Variants in SDR42E1 observed in about 807,000 individuals in gnomAD.
The protein encoded by SDR42E1 is short chain dehydrogenase/reductase family 42E, member 1.
A neutral mutation model predicts 2.6 loss-of-function variants in SDR42E1; 5 were observed. That is an observed-to-expected ratio of 1.94 (90% CI 1.01 to 4.08). The LOEUF is 4.08. Among genes scored for constraint, SDR42E1 ranks in the 30% most tolerant of loss-of-function variants. The pLI is 0.00. For missense variants in SDR42E1, 596 were observed against 478.6 expected (o/e 1.25, Z -2.29); for synonymous variants, 231 against 188.3 (o/e 1.23, Z -1.86).
Position 81,995,021 on chromosome 16 carries a change from A to C in SDR42E1, c.*4090T>G, listed in dbSNP as rs958170916. 6.6e-6 allele frequency: 1 copy of C among 152,314 alleles called. No individual in the cohort carries two copies. Among genetic ancestry groups the C allele is most frequent in the South Asian group, 2.1e-4 (1 of 4,828 alleles). 9.4% of individuals were successfully genotyped at this position (152,314 alleles called of 1,614,324 possible). A position where few individuals can be genotyped will look rare whatever the true frequency, so the allele number is the denominator to read the frequency against. On this transcript the variant is annotated 3_prime_UTR_variant, in exon 3 of 3. Coordinates refer to ENST00000328945, the MANE Select transcript of SDR42E1 (RefSeq NM_145168.3). ...TGGCACTGTCTGCCCCTGTCACCAG[A>C]AACGGCACTGAGGACATCCAAGAAG...
At chr16:82,000,655 G>C (rs1207478498) in intron 2 of SDR42E1, 136 bp downstream of exon 2, 2 of 665,736 alleles carry the variant, frequency 3.0e-6, no homozygotes, top group Admixed American at 2.8e-5. Context: ...TGCAATGTCT[G>C]AGCAGTGGGC....
chr16:82,009,952 T>G (rs1913072324), intron 1 of SDR42E1, among the ~76,000 whole-genome samples: 1 of 152,238 alleles, frequency 6.6e-6, no homozygotes. Context: ...GTTCTCTTGA[T>G]AGTGAATAAG....
chr16:82,005,843 T>G (rs2143861794), intron 1 of SDR42E1, among the ~76,000 whole-genome samples: 1 of 152,146 alleles, frequency 6.6e-6, no homozygotes, highest in East Asian at 1.9e-4. Flanking sequence ...AAAAAAAACC[T>G]TAATTACAAA....
chr16:82,004,159 G>C (rs1912857817), intron 1 of SDR42E1, among the ~76,000 whole-genome samples: 1 of 152,130 alleles, frequency 6.6e-6, no homozygotes, highest in Admixed American at 6.5e-5. Flanking sequence ...TAACGCTACT[G>C]TTATAATGTT....
At chr16:82,010,761 C>A (rs376207466) in intron 1 of SDR42E1, among the ~76,000 whole-genome samples, 79 of 152,284 alleles carry the variant, frequency 5.2e-4, no homozygotes, top group African/African-American at 1.8e-3. Flanking sequence ...TGGGCTCTGA[C>A]CACATTAAGA....
chr16:82,009,975 T>G (rs932062612), intron 1 of SDR42E1, among the ~76,000 whole-genome samples: 2 of 152,202 alleles, frequency 1.3e-5, no homozygotes, highest in African/African-American at 4.8e-5. Flanking sequence ...TCAAAAGATC[T>G]GATGGTTTTA....
intron 1 of SDR42E1, among the ~76,000 whole-genome samples, chr16:82,008,225 C>A (rs535051223): frequency 6.6e-6 from 1 of 152,318 alleles, no homozygotes; most frequent in Admixed American, 6.5e-5. Context: ...AACTACTTTC[C>A]ATTATAAATT....
rs1218342346 is a variant in SDR42E1, at chr16:81,997,572, G to A, written c.*1539C>T. The A allele has an allele frequency of 2.0e-5, 3 of 152,148 alleles. No homozygotes were observed. Among genetic ancestry groups the A allele is most frequent in the Non-Finnish European group, 2.9e-5 (2 of 68,036 alleles). 9.4% of individuals were successfully genotyped at this position (152,148 alleles called of 1,614,324 possible). A position where few individuals can be genotyped will look rare whatever the true frequency, so the allele number is the denominator to read the frequency against. On this transcript the variant is annotated 3_prime_UTR_variant, in exon 3 of 3. Coordinates refer to ENST00000328945, the MANE Select transcript of SDR42E1 (RefSeq NM_145168.3). ...CAGGTGCTCATATGCGTTAACCCCA[G>A]GCTAATGCAAAAGCTTCTTTATGAC...
Position 81,999,231 on chromosome 16 carries a change from A to T in SDR42E1, c.1062T>A (p.Gly354=). 6.2e-7 allele frequency: 1 copy of T among 1,614,204 alleles called. No individual in the cohort carries two copies. The highest frequency in any genetic ancestry group is 8.5e-7 in the Non-Finnish European group (1 of 1,180,032). ...CACGACTTCCAGAACTTCTGCCATGACCATGGGCTTTAAACCATTCCACTG... is the reference window on the plus strand; with the variant it reads ...CACGACTTCCAGAACTTCTGCCATGTCCATGGGCTTTAAACCATTCCACTG... ...QEAVEWFKAH[G]HGRSSGSRDS... The change falls in exon 3 of 3, where the codon GGT becomes GGA. Residue 354 remains glycine, a synonymous_variant. Transcript: ENST00000328945.
Position 81,994,594 on chromosome 16 carries a change from A to G in SDR42E1, c.*4517T>C, listed in dbSNP as rs146897496. The G allele has an allele frequency of 7.7e-4, 118 of 152,306 alleles. 1 individual carries two copies. The highest frequency in any genetic ancestry group is 2.2e-3 in the African/African-American group (93 of 41,582). The allele number at this position is 152,306 out of a possible 1,614,324, so 9.4% of individuals were successfully genotyped here. On this transcript the variant is annotated 3_prime_UTR_variant, in exon 3 of 3. Transcript: ENST00000328945. ...TGAGATATGCTGGTGAACAGCACAC[A>G]ACCTGGTGTGCCATCTCTAAGCAAG...
At chr16:82,010,009 G>C (rs1464107348) in intron 1 of SDR42E1, among the ~76,000 whole-genome samples, 2 of 152,194 alleles carry the variant, frequency 1.3e-5, no homozygotes, top group South Asian at 2.1e-4. Flanking sequence ...CCCTACACAA[G>C]CTCTCTTGCC....
In SDR42E1 at chr16:81,999,248, A is replaced by G; in HGVS notation, c.1045T>C (p.Trp349Arg). The G allele has an allele frequency of 6.2e-7, 1 of 1,614,152 alleles. No individual in the cohort carries two copies. The highest frequency in any genetic ancestry group is 8.5e-7 in the Non-Finnish European group (1 of 1,180,012). The stretch of plus-strand genomic sequence containing the variant: ...CTGCCATGACCATGGGCTTTAAACC[A>G]TTCCACTGCTTCCTGGAGGTCAAAT... ...QPFDLQEAVE[W>R]FKAHGHGRSS... Residue 349 changes from tryptophan (W) to arginine (R), a missense_variant, in exon 3 of 3, where the codon TGG (tryptophan) becomes CGG (arginine). Physicochemically the swap from Trp to Arg is moderately radical, Grantham distance 101. Transcript: ENST00000328945.
chr16:81,999,213 TC>T lies in SDR42E1; in HGVS notation c.1079del (p.Gly360GlufsTer18), dbSNP rs1249804433. The T allele has an allele frequency of 6.2e-7, 1 of 1,614,082 alleles. No homozygotes were observed. The highest frequency in any genetic ancestry group is 1.3e-5 in the African/African-American group (1 of 74,930). On this transcript the variant is annotated frameshift_variant, in exon 3 of 3. Coordinates refer to ENST00000328945, the MANE Select transcript of SDR42E1 (RefSeq NM_145168.3). LOFTEE classifies it low-confidence loss of function (END_TRUNC). Reference sequence around the variant, plus strand: ...AAACAAAACACTCCGAGTCACGACTTCCAGAACTTCTGCCATGACCATGGGC... The same window carrying T: ...AAACAAAACACTCCGAGTCACGACTTCAGAACTTCTGCCATGACCATGGGC... ...FKAHGHGRSS[G>X]SRDSECFVWD...
intron 1 of SDR42E1, among the ~76,000 whole-genome samples, chr16:82,005,867 T>A (rs1308591376): frequency 2.0e-5 from 3 of 152,074 alleles, no homozygotes; most frequent in Non-Finnish European, 2.9e-5. Flanking sequence ...TAAAAAAAAA[T>A]TAAATTTAAA....
Position 81,991,478 on chromosome 16 carries a change from A to T in SDR42E1, c.*7633T>A, listed in dbSNP as rs1042989658. On this transcript the variant is annotated 3_prime_UTR_variant, in exon 3 of 3. Transcript: ENST00000328945. ...ATACCTGTAATCCCAGCACTTTGGG[A>T]GGCCGAGGCAAGAGGATTGCTTGGG... 8.5e-5 allele frequency: 13 copies of T among 152,286 alleles called. No homozygotes were observed. Among genetic ancestry groups the T allele is most frequent in the African/African-American group, 2.6e-4 (11 of 41,532 alleles). The allele number at this position is 152,286 out of a possible 1,614,324, so 9.4% of individuals were successfully genotyped here.
intron 2 of SDR42E1, 37 bp from the exon 3 acceptor site, chr16:82,000,261 T>C (rs1912712061): frequency 6.2e-7 from 1 of 1,600,186 alleles, no homozygotes; most frequent in East Asian, 2.2e-5. Flanking sequence ...ATCAAGTCAC[T>C]CTTAAGCTGT....
In SDR42E1 at chr16:81,994,713, G is replaced by T. The variant is rs973778734; in HGVS notation, c.*4398C>A. The T allele has an allele frequency of 1.3e-5, 2 of 152,172 alleles. No homozygotes were observed. Among genetic ancestry groups the T allele is most frequent in the Admixed American group, 1.3e-4 (2 of 15,282 alleles). The allele number at this position is 152,172 out of a possible 1,614,324, so 9.4% of individuals were successfully genotyped here. A position where few individuals can be genotyped will look rare whatever the true frequency, so the allele number is the denominator to read the frequency against. On this transcript the variant is annotated 3_prime_UTR_variant, in exon 3 of 3. Transcript: ENST00000328945. ...TGGCCCTATAATGATGTCTAATTGG[G>T]TCAGAGCTGGGGCGTGGCATTCTGC...
In SDR42E1 at chr16:81,994,936, A is replaced by G. The variant is rs1309513768; in HGVS notation, c.*4175T>C. On this transcript the variant is annotated 3_prime_UTR_variant, in exon 3 of 3. Transcript: ENST00000328945. Reference sequence around the variant, plus strand: ...CTAGGTTTGAGAAACACCACAGCATAGGTAATTTGGTGCCAGAATGAGTTA... The same window carrying G: ...CTAGGTTTGAGAAACACCACAGCATGGGTAATTTGGTGCCAGAATGAGTTA... 1 of 152,180 alleles carries G rather than the reference A, an allele frequency of 6.6e-6. No individual in the cohort carries two copies. The highest frequency in any genetic ancestry group is 1.5e-5 in the Non-Finnish European group (1 of 68,032). 9.4% of individuals were successfully genotyped at this position (152,180 alleles called of 1,614,324 possible).
At chr16:82,001,384 T>C (rs1912753290) in intron 1 of SDR42E1, among the ~76,000 whole-genome samples, 3 of 152,010 alleles carry the variant, frequency 2.0e-5, no homozygotes, top group South Asian at 4.2e-4. Context: ...TTAAAAAATA[T>C]GTATATGGGG....
Sources: allele counts gnomAD v4.1 joint callset (sites outside exome capture counted in the v4.1 genomes callset), GRCh38; gene constraint gnomAD v4.1.1; transcripts MANE v1.5; gene names NCBI Gene and HGNC (gene_info 2026-07-23, HGNC 2026-07-21).